PLPP1: variants seen among roughly 807,000 people sequenced by gnomAD.
PLPP1 encodes the protein phospholipid phosphatase 1.
A neutral mutation model predicts 31.2 loss-of-function variants in PLPP1; 24 were observed. The observed-to-expected ratio is 0.77, with a 90% CI of 0.56 to 1.08. The LOEUF (loss-of-function observed/expected upper bound fraction) is 1.08, where lower values mean the gene tolerates loss of function less well. PLPP1 is among the 50% of genes least tolerant of loss of function. The probability of loss-of-function intolerance (pLI) is 0.00; values close to 1 mark genes in which losing one functional copy is unlikely to be tolerated. For missense variants in PLPP1, 319 were observed against 342.7 expected (o/e 0.93, Z 0.55); for synonymous variants, 146 against 126.3 (o/e 1.16, Z -1.05).
intron 4 of PLPP1, among the ~76,000 whole-genome samples, chr5:55,429,438 T>C (rs1488424090): frequency 6.6e-6 from 1 of 151,976 alleles, no homozygotes; most frequent in Non-Finnish European, 1.5e-5. Flanking sequence ...CAGGGATTGG[T>C]TGGGGAGGCT....
At chr5:55,497,412 A>ATTTT (rs199571704) in intron 1 of PLPP1, among the ~76,000 whole-genome samples, 2 of 140,260 alleles carry the variant, frequency 1.4e-5, no homozygotes, top group Non-Finnish European at 3.1e-5. Flanking sequence ...TTCCTGGCTA[A>ATTTT]TTTTTTCTTT....
intron 1 of PLPP1, among the ~76,000 whole-genome samples, chr5:55,485,756 ATTC>A (rs927109911): frequency 1.3e-5 from 2 of 152,162 alleles, no homozygotes; most frequent in Non-Finnish European, 2.9e-5. Context: ...AACGATTACT[ATTC>A]TTCTCCCTCT....
intron 1 of PLPP1, among the ~76,000 whole-genome samples, chr5:55,509,938 T>C (rs1466760644): frequency 6.6e-6 from 1 of 152,142 alleles, no homozygotes; most frequent in Non-Finnish European, 1.5e-5. Flanking sequence ...AAGGTCACAA[T>C]CAGTAGTAAA....
chr5:55,462,247 T>C (rs981236042), intron 3 of PLPP1, among the ~76,000 whole-genome samples: 2 of 152,194 alleles, frequency 1.3e-5, no homozygotes, highest in African/African-American at 2.4e-5. Flanking sequence ...TTACACCTCA[T>C]TTTAAAACTA....
chr5:55,427,170 A>G (rs1751223320), intron 4 of PLPP1, among the ~76,000 whole-genome samples: 2 of 152,174 alleles, frequency 1.3e-5, no homozygotes, highest in South Asian at 2.1e-4. Flanking sequence ...ATTCTGTTCA[A>G]TAATATATGA....
chr5:55,521,080 C>T (rs2111935705), intron 1 of PLPP1, among the ~76,000 whole-genome samples: 1 of 151,972 alleles, frequency 6.6e-6, no homozygotes, highest in Middle Eastern at 3.4e-3. Context: ...GAGCTGGGGG[C>T]GGTGGCTCAT....
At chr5:55,490,981 C>G in intron 1 of PLPP1, 1 of 1,611,860 alleles carries the variant, frequency 6.2e-7, no homozygotes, top group South Asian at 1.1e-5. Flanking sequence ...GCAAGCCAAC[C>G]CCCACTAGGA....
chr5:55,464,541 C>A (rs1302317658), intron 3 of PLPP1, among the ~76,000 whole-genome samples: 1 of 152,128 alleles, frequency 6.6e-6, no homozygotes, highest in Non-Finnish European at 1.5e-5. Flanking sequence ...CCAGCCAGAA[C>A]AGCTTTATTT....
chr5:55,451,556 CT>C (rs565534624), intron 3 of PLPP1, among the ~76,000 whole-genome samples: 11,218 of 142,334 alleles, frequency 0.079, 716 homozygotes, highest in African/African-American at 0.18. Flanking sequence ...TTAGAGAAAC[CT>C]TTTTTTTTTT....
chr5:55,524,585 G>A (rs2111945436), intron 1 of PLPP1, among the ~76,000 whole-genome samples: 1 of 152,232 alleles, frequency 6.6e-6, no homozygotes, highest in South Asian at 2.1e-4. Context: ...CAAGACGGGT[G>A]GATCACCTGA....
At chr5:55,506,524 A>C (rs1011689820) in intron 1 of PLPP1, among the ~76,000 whole-genome samples, 1 of 152,202 alleles carries the variant, frequency 6.6e-6, no homozygotes, top group African/African-American at 2.4e-5. Flanking sequence ...TCTTAACCCT[A>C]TTAAATTTGG....
chr5:55,487,690 A>T (rs902917667), intron 1 of PLPP1, among the ~76,000 whole-genome samples: 2 of 152,172 alleles, frequency 1.3e-5, no homozygotes, highest in Non-Finnish European at 2.9e-5. Context: ...TAGAAAATAA[A>T]TTATTTTCTA....
intron 4 of PLPP1, among the ~76,000 whole-genome samples, chr5:55,436,964 T>C (rs1751506524): frequency 6.6e-6 from 1 of 152,178 alleles, no homozygotes; most frequent in Non-Finnish European, 1.5e-5. Flanking sequence ...ATTAATGACC[T>C]AATAAGAGAT....
At chr5:55,520,959 C>A (rs966158694) in intron 1 of PLPP1, among the ~76,000 whole-genome samples, 1 of 152,202 alleles carries the variant, frequency 6.6e-6, no homozygotes, top group Non-Finnish European at 1.5e-5. Flanking sequence ...CACCTGTAAT[C>A]CCAGCACTTT....
chr5:55,503,143 T>G (rs1403994158), intron 1 of PLPP1, among the ~76,000 whole-genome samples: 1 of 152,246 alleles, frequency 6.6e-6, no homozygotes, highest in Non-Finnish European at 1.5e-5. Context: ...CTGCTTCCTC[T>G]TACTCCCAGA....
chr5:55,495,200 A>T (rs1166398198), intron 1 of PLPP1, among the ~76,000 whole-genome samples: 1 of 152,114 alleles, frequency 6.6e-6, no homozygotes, highest in Non-Finnish European at 1.5e-5. Flanking sequence ...TCAGAAGTAG[A>T]GAAAGATGTG....
chr5:55,488,068 G>A (rs561937837), intron 1 of PLPP1, among the ~76,000 whole-genome samples: 56 of 151,542 alleles, frequency 3.7e-4, no homozygotes, highest in South Asian at 1.3e-3. Context: ...ACAAGACTCC[G>A]TCTCATAACA....
intron 1 of PLPP1, among the ~76,000 whole-genome samples, chr5:55,503,718 G>A (rs868119785): frequency 1.1e-4 from 16 of 149,800 alleles, no homozygotes; most frequent in Non-Finnish European, 8.9e-5. Flanking sequence ...GGTGGAGGTT[G>A]CAGTGAGCAG....
chr5:55,443,870 CAG>C (rs10538790), intron 3 of PLPP1, among the ~76,000 whole-genome samples: 130,672 of 152,014 alleles, frequency 0.86, 56,553 homozygotes, highest in South Asian at 0.92. Flanking sequence ...ATTTAACAAA[CAG>C]ATCATAATAT....
Sources: allele counts gnomAD v4.1 joint callset (sites outside exome capture counted in the v4.1 genomes callset), GRCh38; gene constraint gnomAD v4.1.1; transcripts MANE v1.5; gene names NCBI Gene and HGNC (gene_info 2026-07-23, HGNC 2026-07-21).